Variants in AGAP1 observed in about 807,000 individuals in gnomAD.
The protein encoded by AGAP1 is arf-GAP with GTPase, ANK repeat and PH domain-containing protein 1.
In AGAP1, 29 loss-of-function variants were observed where a neutral mutation model predicts 105.3. The observed-to-expected ratio is 0.28, with a 90% confidence interval of 0.21 to 0.38. The LOEUF (loss-of-function observed/expected upper bound fraction) is 0.38. Ranked by LOEUF, AGAP1 falls within the 10% of genes least tolerant of loss-of-function variation. AGAP1 has a pLI of 1.00. For missense variants in AGAP1, 998 were observed against 1,165.1 expected (o/e 0.86, Z 2.09); for synonymous variants, 509 against 485.9 (o/e 1.05, Z -0.63).
Position 236,076,223 on chromosome 2 carries a change from G to A in AGAP1, c.2114+26942G>A, listed in dbSNP as rs1001771932. 2.6e-5 allele frequency among the ~76,000 whole-genome samples: 4 copies of A among 152,222 alleles called. No individual in the cohort carries two copies. Among genetic ancestry groups the A allele is most frequent in the African/African-American group, 4.8e-5 (2 of 41,466 alleles). On this transcript the variant is annotated intron_variant, in intron 16 of 17. Transcript: ENST00000304032. The surrounding 1 kb of genome is among the most constrained non-coding windows in gnomAD (Gnocchi z 4.4). The stretch of plus-strand genomic sequence containing the variant: ...CCAGCACTTTGAGAGGCCAAAGTGG[G>A]TGGATCACTTGAGGTCAGGAGTTCG...
chr2:235,502,700 C>CTTTTTTTTTT (rs5839594), intron 1 of AGAP1, among the ~76,000 whole-genome samples: 1 of 110,992 alleles, frequency 9.0e-6, no homozygotes, highest in Non-Finnish European at 1.8e-5. Context: ...TTTTATTTGC[C>CTTTTTTTTTT]TTTTTTTTTT....
Position 235,546,304 on chromosome 2 carries a change from G to A in AGAP1, c.163+51455G>A, listed in dbSNP as rs376276579. 3.9e-5 allele frequency among the ~76,000 whole-genome samples: 6 copies of A among 152,176 alleles called. No individual in the cohort carries two copies. The East Asian group carries it at 5.8e-4, about 15-fold the overall frequency. On this transcript the variant is annotated intron_variant, in intron 1 of 17. Transcript: ENST00000304032. Reference sequence around the variant, plus strand: ...GGGTGCCACCTGATGGGGCCATCCTGCCTTTTCAGGTCCTTGATTATATCC... The same window carrying A: ...GGGTGCCACCTGATGGGGCCATCCTACCTTTTCAGGTCCTTGATTATATCC...
In AGAP1 at chr2:236,045,380, C is replaced by G. The variant is rs576350166; in HGVS notation, c.1892-3679C>G. Among the ~76,000 whole-genome samples the G allele has an allele frequency of 3.3e-4, 50 of 152,340 alleles. No individual in the cohort carries two copies. ...GGAACAGATGTAATTACAGCCAACA[C>G]CTAACACTGTACTTCCCGTGGGGCA... is the stretch of plus-strand genomic sequence containing the variant. On this transcript the variant is annotated intron_variant, in intron 15 of 17. Coordinates refer to ENST00000304032, the MANE Select transcript of AGAP1 (RefSeq NM_001037131.3). The surrounding 1 kb of genome is among the most constrained non-coding windows in gnomAD (Gnocchi z 6.9).
Position 236,078,352 on chromosome 2 carries a change from G to A in AGAP1, c.2114+29071G>A, listed in dbSNP as rs73996518. On this transcript the variant is annotated intron_variant, in intron 16 of 17. Coordinates refer to ENST00000304032, the MANE Select transcript of AGAP1 (RefSeq NM_001037131.3). The surrounding 1 kb of genome is among the most constrained non-coding windows in gnomAD (Gnocchi z 5.3). ...CCCACCTGCTTTCTCAAGGATAATT[G>A]CCTTTGTTTGGAGTCCATGGACTAT... is the stretch of plus-strand genomic sequence containing the variant. Among the ~76,000 whole-genome samples the A allele has an allele frequency of 8.1e-3, 1,235 of 152,132 alleles. 14 individuals are homozygous for A. The highest frequency in any genetic ancestry group is 0.028 in the African/African-American group (1,149 of 41,504).
rs117865226 is a variant in AGAP1 at position 235,831,763 on chromosome 2, T to C, written c.1050+24432T>C. Among the ~76,000 whole-genome samples the C allele has an allele frequency of 6.6e-5, 10 of 152,386 alleles. No individual in the cohort carries two copies. In the East Asian group the frequency reaches 1.7e-3, roughly 26 times the overall value. On this transcript the variant is annotated intron_variant, in intron 9 of 17. Coordinates refer to ENST00000304032, the MANE Select transcript of AGAP1 (RefSeq NM_001037131.3). ...TTTTTGCAATTATGATTAATGCTGC[T>C]AATACACATTTGGGTGCAGGTTTTT...
intron 12 of AGAP1, among the ~76,000 whole-genome samples, chr2:235,954,874 T>C (rs2053883551): frequency 6.6e-6 from 1 of 152,158 alleles, no homozygotes; most frequent in African/African-American, 2.4e-5. Flanking sequence ...GACCAGGGCA[T>C]GGGTCTCTCT....
rs2054089030 is a variant in AGAP1, at chr2:235,959,439, T to C, written c.1484-9023T>C. Among the ~76,000 whole-genome samples, 1 of 152,240 alleles carries C rather than the reference T, an allele frequency of 6.6e-6. No homozygotes were observed. The highest frequency in any genetic ancestry group is 1.5e-5 in the Non-Finnish European group (1 of 68,012). ...GTTAAACAACTCCTTGAAAGCGAGC[T>C]CTCGACACCTAGAAGCCAGGGGCAT... On this transcript the variant is annotated intron_variant, in intron 12 of 17. Transcript: ENST00000304032. This position sits in a 1 kb window ranked among gnomAD's most constrained non-coding sequence, Gnocchi z 7.3.
chr2:235,770,179 A>T (rs1025814267), intron 6 of AGAP1, among the ~76,000 whole-genome samples: 3 of 146,956 alleles, frequency 2.0e-5, no homozygotes, highest in African/African-American at 7.4e-5. Context: ...CCAGGCTGGA[A>T]TGCAGTGGTG....
In AGAP1 at chr2:235,603,451, T is replaced by C. The variant is rs560222521; in HGVS notation, c.164-105728T>C. Among the ~76,000 whole-genome samples, 13 of 152,344 alleles carry C rather than the reference T, an allele frequency of 8.5e-5. No homozygotes were observed. The South Asian group carries it at 2.3e-3, about 27-fold the overall frequency. On this transcript the variant is annotated intron_variant, in intron 1 of 17. Coordinates refer to ENST00000304032, the MANE Select transcript of AGAP1 (RefSeq NM_001037131.3). ...TGTGAGCTCCCAGAGTGCACAGATA[T>C]GTGCCAGACACCAAGATCAGAATGG... is the stretch of plus-strand genomic sequence containing the variant.
intron 1 of AGAP1, among the ~76,000 whole-genome samples, chr2:235,521,990 C>CA (rs772316545): frequency 6.6e-6 from 1 of 152,112 alleles, no homozygotes; most frequent in East Asian, 1.9e-4. Flanking sequence ...AGGGTGCTGT[C>CA]AAACTATTGG....
Position 236,104,937 on chromosome 2 carries a change from G to A in AGAP1, c.2115-15255G>A, listed in dbSNP as rs771309155. Among the ~76,000 whole-genome samples, 4 of 152,022 alleles carry A rather than the reference G, an allele frequency of 2.6e-5. No individual in the cohort carries two copies. Among genetic ancestry groups the A allele is most frequent in the Non-Finnish European group, 4.4e-5 (3 of 68,020 alleles). ...AAGGACTAGCGTGCACAGAGCCCTC[G>A]AGGTACCAGAGCAGAGCTGTGGATG... On this transcript the variant is annotated intron_variant, in intron 16 of 17. Coordinates refer to ENST00000304032, the MANE Select transcript of AGAP1 (RefSeq NM_001037131.3). The surrounding 1 kb of genome is among the most constrained non-coding windows in gnomAD (Gnocchi z 4.7).
rs1033603941 is a variant in AGAP1 at position 235,777,750 on chromosome 2, G to A, written c.674-20009G>A. Among the ~76,000 whole-genome samples, 10 of 152,308 alleles carry A rather than the reference G, an allele frequency of 6.6e-5. No homozygotes were observed. The highest frequency in any genetic ancestry group is 2.4e-4 in the African/African-American group (10 of 41,574). On this transcript the variant is annotated intron_variant, in intron 6 of 17. Transcript: ENST00000304032. This position sits in a 1 kb window ranked among gnomAD's most constrained non-coding sequence, Gnocchi z 5.1. ...GGCAGATGTCCTGATAAAGGTGCAC[G>A]CTCAAGTGTTTGAGACGTTAACGAA...
At position 235,965,086 on chromosome 2, in the gene AGAP1, G is replaced by C. The variant is rs114681828; in HGVS notation, c.1484-3376G>C. ...TACACCTCGGGTACAGTTAACCAAG[G>C]AGGTTTACCAGATGTCCACCGTGGA... is the stretch of plus-strand genomic sequence containing the variant. On this transcript the variant is annotated intron_variant, in intron 12 of 17. Coordinates refer to ENST00000304032, the MANE Select transcript of AGAP1 (RefSeq NM_001037131.3). The surrounding 1 kb of genome is among the most constrained non-coding windows in gnomAD (Gnocchi z 5.8). Among the ~76,000 whole-genome samples, 442 of 152,360 alleles carry C rather than the reference G, an allele frequency of 2.9e-3. 1 individual carries two copies. The highest frequency in any genetic ancestry group is 4.8e-3 in the Non-Finnish European group (329 of 68,040).
rs745641058 is a variant in AGAP1 at position 235,799,840 on chromosome 2, C to CT, written c.957+319dup. Among the ~76,000 whole-genome samples, 53 of 152,076 alleles carry CT rather than the reference C, an allele frequency of 3.5e-4. No homozygotes were observed. The highest frequency in any genetic ancestry group is 5.4e-4 in the Non-Finnish European group (37 of 68,032). On this transcript the variant is annotated intron_variant, in intron 8 of 17. Transcript: ENST00000304032. The surrounding 1 kb of genome is among the most constrained non-coding windows in gnomAD (Gnocchi z 5.0). Reference sequence around the variant, plus strand: ...GTGGATACAAGGAGATGACAAAACTCTAAGATTCCCAGATGTGTGTCTCTA... The same window carrying CT: ...GTGGATACAAGGAGATGACAAAACTCTTAAGATTCCCAGATGTGTGTCTCTA...
rs187603109 is a variant in AGAP1, at chr2:236,021,866, C to G, written c.1646-14695C>G. Among the ~76,000 whole-genome samples the G allele has an allele frequency of 5.0e-3, 758 of 151,956 alleles. 12 individuals are homozygous for G. Among genetic ancestry groups the G allele is most frequent in the African/African-American group, 0.018 (727 of 41,438 alleles). On this transcript the variant is annotated intron_variant, in intron 13 of 17. Coordinates refer to ENST00000304032, the MANE Select transcript of AGAP1 (RefSeq NM_001037131.3). ...GTGAGTTAAGGAGTTCGAGACCAGC[C>G]TGGGCAATATGGTGAAACCCCTTCT...
At position 236,110,676 on chromosome 2, in the gene AGAP1, G is replaced by C. The variant is rs1209292112; in HGVS notation, c.2115-9516G>C. On this transcript the variant is annotated intron_variant, in intron 16 of 17. Transcript: ENST00000304032. Reference sequence around the variant, plus strand: ...TCTGCATAACAGAGTTTGTCTAATAGTGACTCTACATTTATATAAATATAT... The same window carrying C: ...TCTGCATAACAGAGTTTGTCTAATACTGACTCTACATTTATATAAATATAT... Among the ~76,000 whole-genome samples the C allele has an allele frequency of 2.0e-5, 3 of 152,170 alleles. No individual in the cohort carries two copies. The East Asian group carries it at 5.8e-4, about 29-fold the overall frequency.
intron 16 of AGAP1, chr2:236,049,966 G>A (rs956707800): frequency 2.0e-5 from 3 of 152,250 alleles, no homozygotes; most frequent in African/African-American, 7.2e-5. Context: ...CATGGAGGCA[G>A]AATAGAGCAT....
chr2:236,011,948 C>T (rs899780816), intron 13 of AGAP1, among the ~76,000 whole-genome samples: 1 of 151,856 alleles, frequency 6.6e-6, no homozygotes, highest in African/African-American at 2.4e-5. Flanking sequence ...CAGCAGCATC[C>T]GACATAACCC....
At chr2:235,708,841 C>T (rs1367316415) in intron 1 of AGAP1, among the ~76,000 whole-genome samples, 2 of 152,208 alleles carry the variant, frequency 1.3e-5, no homozygotes, top group Non-Finnish European at 2.9e-5. Flanking sequence ...CCACACTTGC[C>T]AACAGGCACA....
Sources: allele counts gnomAD v4.1 joint callset (sites outside exome capture counted in the v4.1 genomes callset), GRCh38; gene constraint gnomAD v4.1.1; non-coding constraint Gnocchi (gnomAD v3.1); transcripts MANE v1.5; gene names NCBI Gene and HGNC (gene_info 2026-07-23, HGNC 2026-07-21).